MAP2K6: variants seen among roughly 807,000 people sequenced by gnomAD.
MAP2K6 encodes the protein mitogen-activated protein kinase kinase 6.
MAP2K6 carries 16 observed loss-of-function variants against 53.7 expected under a neutral mutation model. The ratio of observed to expected loss-of-function variants is 0.30; its 90% CI spans 0.20 to 0.45. MAP2K6 has a LOEUF of 0.45. MAP2K6 is among the 20% of genes least tolerant of loss of function. The probability of loss-of-function intolerance (pLI) is 1.00; values close to 1 mark genes in which losing one functional copy is unlikely to be tolerated. For missense variants in MAP2K6, 204 were observed against 411.9 expected, an observed-to-expected ratio of 0.50 and a Z score of 4.37; for synonymous variants, 132 against 143.1, an observed-to-expected ratio of 0.92 and a Z score of 0.55.
intron 2 of MAP2K6, among the ~76,000 whole-genome samples, chr17:69,508,738 G>GTTTTGCA (rs1465051330): frequency 6.6e-6 from 1 of 152,144 alleles, no homozygotes; most frequent in African/African-American, 2.4e-5. Context: ...AAGTTTTGTA[G>GTTTTGCA]TTTTGCATTT....
rs1356808317 is a variant in MAP2K6, at chr17:69,541,387, T to C, written c.928-289T>C. Among the ~76,000 whole-genome samples the C allele has an allele frequency of 2.0e-5, 3 of 152,246 alleles. No individual in the cohort carries two copies. The East Asian group carries it at 5.8e-4, about 29-fold the overall frequency. ...AGTTTGGGTTGTTTTTTGTCAATCT[T>C]TGTATTTTGCTGTAGATGAGACTTA... On this transcript the variant is annotated intron_variant, in intron 11 of 11. Coordinates refer to ENST00000590474, the MANE Select transcript of MAP2K6 (RefSeq NM_002758.4).
At chr17:69,424,218 GAGA>G (rs1243640179) in intron 1 of MAP2K6, among the ~76,000 whole-genome samples, 1 of 152,204 alleles carries the variant, frequency 6.6e-6, no homozygotes, top group Non-Finnish European at 1.5e-5. Context: ...ATATTTAGGA[GAGA>G]AGGTTTTGAT....
intron 4 of MAP2K6, among the ~76,000 whole-genome samples, chr17:69,517,846 C>T (rs1910248709): frequency 6.6e-6 from 1 of 152,118 alleles, no homozygotes; most frequent in Non-Finnish European, 1.5e-5. Flanking sequence ...TCCACCCATT[C>T]TTCTACCATT....
chr17:69,439,824 T>C (rs1906761015), intron 1 of MAP2K6, among the ~76,000 whole-genome samples: 1 of 152,216 alleles, frequency 6.6e-6, no homozygotes, highest in South Asian at 2.1e-4. Flanking sequence ...AAATAGCTAC[T>C]TTAGCTGCTA....
At chr17:69,490,410 C>T (rs1483314151) in intron 1 of MAP2K6, among the ~76,000 whole-genome samples, 2 of 152,118 alleles carry the variant, frequency 1.3e-5, no homozygotes, top group Non-Finnish European at 2.9e-5. Context: ...GTTTCTGTCG[C>T]CACTAGCAAT....
At chr17:69,495,319 T>C (rs1364449229) in intron 1 of MAP2K6, among the ~76,000 whole-genome samples, 1 of 151,864 alleles carries the variant, frequency 6.6e-6, no homozygotes, top group East Asian at 1.9e-4. Context: ...GCTCACTGCC[T>C]CCACCTTCCA....
chr17:69,500,490 C>T (rs1283089953), intron 1 of MAP2K6, among the ~76,000 whole-genome samples: 1 of 142,908 alleles, frequency 7.0e-6, no homozygotes, highest in Non-Finnish European at 1.5e-5. Context: ...GCCATGGTGG[C>T]TCACGCCTAT....
At chr17:69,428,139 A>G (rs1278226206) in intron 1 of MAP2K6, among the ~76,000 whole-genome samples, 1 of 152,228 alleles carries the variant, frequency 6.6e-6, no homozygotes, top group Non-Finnish European at 1.5e-5. Context: ...AGAAGCTCAT[A>G]TTCTAGTGGG....
chr17:69,448,042 G>A (rs750897931), intron 1 of MAP2K6, among the ~76,000 whole-genome samples: 5 of 152,160 alleles, frequency 3.3e-5, no homozygotes, highest in Non-Finnish European at 5.9e-5. Context: ...AAGTCAGCCC[G>A]TTAGCCTGGG....
chr17:69,442,639 A>G (rs541594416), intron 1 of MAP2K6, among the ~76,000 whole-genome samples: 53 of 152,330 alleles, frequency 3.5e-4, no homozygotes, highest in South Asian at 2.9e-3. Context: ...TCCAAAAGTA[A>G]CTAAATTGCA....
rs910826427 is a variant in MAP2K6, at chr17:69,552,236, A to G, written c.*10483A>G. On this transcript the variant is annotated 3_prime_UTR_variant, in exon 12 of 12. Transcript: ENST00000590474. The stretch of plus-strand genomic sequence containing the variant: ...CTAGAATGAGGTAGTTCCATAAGCT[A>G]GTTAGGAGCTTGCTACCTCTTCTTG... The G allele has an allele frequency of 1.3e-5, 2 of 152,240 alleles. No homozygotes were observed. The highest frequency in any genetic ancestry group is 2.4e-5 in the African/African-American group (1 of 41,458). The allele number at this position is 152,240 out of a possible 1,614,324, so 9.4% of individuals were successfully genotyped here.
intron 10 of MAP2K6, among the ~76,000 whole-genome samples, chr17:69,529,592 G>C (rs992054954): frequency 1.2e-4 from 17 of 144,032 alleles, no homozygotes; most frequent in African/African-American, 3.9e-4. Flanking sequence ...CTCACTGCAA[G>C]CTCCGCCTCC....
intron 1 of MAP2K6, among the ~76,000 whole-genome samples, chr17:69,483,287 A>G (rs552678774): frequency 2.6e-4 from 40 of 152,168 alleles, no homozygotes; most frequent in African/African-American, 9.4e-4. Context: ...TACAAAAATC[A>G]ATTGTATTTT....
chr17:69,447,790 A>G (rs1247491621), intron 1 of MAP2K6, among the ~76,000 whole-genome samples: 1 of 152,190 alleles, frequency 6.6e-6, no homozygotes, highest in Admixed American at 6.5e-5. Context: ...TGGGCCAGGG[A>G]AGAGACAGTT....
At chr17:69,535,288 A>T (rs567138811) in intron 10 of MAP2K6, among the ~76,000 whole-genome samples, 1 of 152,246 alleles carries the variant, frequency 6.6e-6, no homozygotes, top group Non-Finnish European at 1.5e-5. Context: ...AACAAGTAGT[A>T]TTACCTTAGA....
chr17:69,424,479 T>G (rs1389760733), intron 1 of MAP2K6, among the ~76,000 whole-genome samples: 1 of 152,202 alleles, frequency 6.6e-6, no homozygotes, highest in Non-Finnish European at 1.5e-5. Flanking sequence ...GATATCCCAT[T>G]TTGTAGATCA....
At chr17:69,471,086 T>C (rs866435843) in intron 1 of MAP2K6, among the ~76,000 whole-genome samples, 41 of 152,326 alleles carry the variant, frequency 2.7e-4, no homozygotes, top group Middle Eastern at 3.4e-3. Context: ...AATTAATTGA[T>C]TGAGCATATA....
Position 69,525,465 on chromosome 17 carries a change from G to A in MAP2K6, c.741+487G>A, listed in dbSNP as rs552516913. Among the ~76,000 whole-genome samples, 203 of 152,196 alleles carry A rather than the reference G, an allele frequency of 1.3e-3. 1 individual carries two copies. The highest frequency in any genetic ancestry group is 4.7e-3 in the African/African-American group (197 of 41,522). On this transcript the variant is annotated intron_variant, in intron 9 of 11. Coordinates refer to ENST00000590474, the MANE Select transcript of MAP2K6 (RefSeq NM_002758.4). Reference sequence around the variant, plus strand: ...TCTGATCAGGTCAGTGTATTAGTTCGTTTTCACACTGCTGATAAAAGCATC... The same window carrying A: ...TCTGATCAGGTCAGTGTATTAGTTCATTTTCACACTGCTGATAAAAGCATC...
intron 1 of MAP2K6, among the ~76,000 whole-genome samples, chr17:69,440,376 CA>C (rs1906778121): frequency 6.6e-6 from 1 of 152,134 alleles, no homozygotes; most frequent in Non-Finnish European, 1.5e-5. Flanking sequence ...ACTTTCCAAT[CA>C]GTATGCCTTA....
Sources: allele counts gnomAD v4.1 joint callset (sites outside exome capture counted in the v4.1 genomes callset), GRCh38; gene constraint gnomAD v4.1.1; transcripts MANE v1.5; gene names NCBI Gene and HGNC (gene_info 2026-07-23, HGNC 2026-07-21).